ZNF99: variants seen among roughly 807,000 people sequenced by gnomAD.
The protein encoded by ZNF99 is zinc finger protein ENSP00000375192.
ZNF99 carries 8 observed loss-of-function variants against 12.8 expected under a neutral mutation model. That is an observed-to-expected ratio of 0.62 (90% CI 0.37 to 1.13). ZNF99 has a LOEUF of 1.13. Among genes scored for constraint, ZNF99 ranks in the 50% most tolerant of loss-of-function variants. ZNF99 has a pLI of 0.02. For missense variants in ZNF99, 1,007 were observed against 1,006.2 expected, an observed-to-expected ratio of 1.00 and a Z score of -0.01; for synonymous variants, 318 against 319.0, an observed-to-expected ratio of 1.00 and a Z score of 0.03.
Position 22,758,364 on chromosome 19 carries a change from G to A in ZNF99, c.1545C>T (p.Gly515=). The A allele has an allele frequency of 6.2e-7, 1 of 1,605,054 alleles. No homozygotes were observed. The highest frequency in any genetic ancestry group is 2.3e-5 in the East Asian group (1 of 44,420). ...GGGCTGAGAAATGCTTAAAAGCTTT[G>A]CCACATTCTTCACATTTGCAAGGTT... ...EEKPCKCEEC[G]KAFKHFSALR... Residue 515 remains glycine, a synonymous_variant, in exon 4 of 4, where the codon GGC becomes GGT. Transcript: ENST00000596209.
chr19:22,760,551 T>C (rs1973139181), intron 3 of ZNF99, among the ~76,000 whole-genome samples: 1 of 152,122 alleles, frequency 6.6e-6, no homozygotes, highest in African/African-American at 2.4e-5. Flanking sequence ...GAGACCATTC[T>C]GGCTAACACG....
At chr19:22,775,446 A>C (rs1462079955) in intron 1 of ZNF99, among the ~76,000 whole-genome samples, 1 of 152,242 alleles carries the variant, frequency 6.6e-6, no homozygotes, top group African/African-American at 2.4e-5. Context: ...ACTTGAAATT[A>C]TAAGAAACCC....
intron 1 of ZNF99, among the ~76,000 whole-genome samples, chr19:22,779,918 C>G (rs778138931): frequency 6.6e-6 from 1 of 152,192 alleles, no homozygotes; most frequent in Non-Finnish European, 1.5e-5. Context: ...AATCTAACTT[C>G]GTTTTATTTT....
intron 1 of ZNF99, among the ~76,000 whole-genome samples, chr19:22,776,014 C>T (rs1337476415): frequency 2.0e-5 from 3 of 151,692 alleles, no homozygotes. Flanking sequence ...AAGAGTGAAA[C>T]TCCACCTCAA....
chr19:22,763,233 AC>A (rs1378446486), intron 3 of ZNF99, among the ~76,000 whole-genome samples: 1 of 152,098 alleles, frequency 6.6e-6, no homozygotes, highest in African/African-American at 2.4e-5. Context: ...TACTTTGAAA[AC>A]CCTAGACTTT....
At position 22,756,203 on chromosome 19, in the gene ZNF99, T is replaced by A; in HGVS notation, c.*1111A>T. ...GAAAGCTTTGACACATTCTTCACAT[T>A]TTTAGGGCTTCTCCCCAGTATGAAT... On this transcript the variant is annotated 3_prime_UTR_variant, in exon 4 of 4. Coordinates refer to ENST00000596209, the MANE Select transcript of ZNF99 (RefSeq NM_001080409.3). The A allele has an allele frequency of 1.3e-6, 2 of 1,561,366 alleles. No individual in the cohort carries two copies. The highest frequency in any genetic ancestry group is 1.7e-6 in the Non-Finnish European group (2 of 1,151,096).
intron 3 of ZNF99, among the ~76,000 whole-genome samples, chr19:22,760,668 C>T (rs1056682782): frequency 2.6e-5 from 4 of 151,832 alleles, no homozygotes; most frequent in African/African-American, 4.8e-5. Flanking sequence ...GGCATGAACC[C>T]GGGAGGCAGA....
rs1568383067 is a variant in ZNF99, at chr19:22,758,286, T to G, written c.1623A>C (p.Glu541Asp). The G allele has an allele frequency of 6.2e-7, 1 of 1,609,718 alleles. No homozygotes were observed. Among genetic ancestry groups the G allele is most frequent in the Non-Finnish European group, 8.5e-7 (1 of 1,176,984 alleles). ...AGGAATTGTTAAAAGCTTTGCCACA[T>G]TCTTCACATTTGTAGGGTTTCTTTC... ...HTGKKPYKCE[E>D]CGKAFNNSST... Residue 541 changes from glutamate (E) to aspartate (D), a missense_variant, in exon 4 of 4, where the codon GAA becomes GAC. Glu to Asp is a conservative substitution (Grantham distance 45). Transcript: ENST00000596209.
chr19:22,755,227 AT>A lies in ZNF99; in HGVS notation c.*2086del. ...TTTGTAGGGTTTTTCTCCAGTACGA[AT>A]TTTCTTATGTCTAATAAAGTTTAAC... On this transcript the variant is annotated 3_prime_UTR_variant, in exon 4 of 4. Coordinates refer to ENST00000596209, the MANE Select transcript of ZNF99 (RefSeq NM_001080409.3). The A allele has an allele frequency of 3.7e-6, 1 of 271,598 alleles. No homozygotes were observed. Among genetic ancestry groups the A allele is most frequent in the Non-Finnish European group, 7.5e-6 (1 of 133,866 alleles). The allele number at this position is 271,598 out of a possible 1,614,324, so 16.8% of individuals were successfully genotyped here.
rs773365626 is a variant in ZNF99, at chr19:22,768,370, G to A, written c.161C>T (p.Thr54Ile). 3.7e-6 allele frequency: 6 copies of A among 1,613,734 alleles called. No individual in the cohort carries two copies. The East Asian group carries it at 1.3e-4, about 36-fold the overall frequency. Reference sequence around the variant, plus strand: ...AGGCTCTTTCCCTTGCTTCAGACAAGTTATCAAGTCTAGCTTAGAGACAGC... The same window carrying A: ...AGGCTCTTTCCCTTGCTTCAGACAAATTATCAAGTCTAGCTTAGAGACAGC... ...GIAVSKLDLI[T>I]CLKQGKEPWN... is the part of the protein sequence containing the mutation. Residue 54 changes from threonine (T) to isoleucine (I), a missense_variant, in exon 3 of 4, where the codon ACT becomes ATT. By Grantham distance (89) the Thr-to-Ile change is moderately conservative. Coordinates refer to ENST00000596209, the MANE Select transcript of ZNF99 (RefSeq NM_001080409.3).
chr19:22,752,690 T>A lies in ZNF99; in HGVS notation c.*4624A>T, dbSNP rs1047454303. The A allele has an allele frequency of 4.6e-5, 7 of 152,140 alleles. No homozygotes were observed. The highest frequency in any genetic ancestry group is 1.0e-4 in the Non-Finnish European group (7 of 67,986). 9.4% of individuals were successfully genotyped at this position (152,140 alleles called of 1,614,324 possible). ...AAGCGAGTGGCATAATAACACTTCA[T>A]TGAATGTACAACAGACTTAACATGT... On this transcript the variant is annotated 3_prime_UTR_variant, in exon 4 of 4. Transcript: ENST00000596209.
Position 22,758,346 on chromosome 19 carries a change from G to A in ZNF99, c.1563C>T (p.Phe521=), listed in dbSNP as rs543969115. ...CEECGKAFKH[F]SALRKHKIIH... The stretch of plus-strand genomic sequence containing the variant: ...TTATCTTATGTTTTCTAAGGGCTGA[G>A]AAATGCTTAAAAGCTTTGCCACATT... The change falls in exon 4 of 4, where the codon TTC becomes TTT. Residue 521 remains phenylalanine, a synonymous_variant. Coordinates refer to ENST00000596209, the MANE Select transcript of ZNF99 (RefSeq NM_001080409.3). 1.6e-5 allele frequency: 26 copies of A among 1,612,884 alleles called. No individual in the cohort carries two copies. The African/African-American group carries it at 2.0e-4, about 12-fold the overall frequency.
At chr19:22,768,644 C>T (rs1184249369) in intron 2 of ZNF99, among the ~76,000 whole-genome samples, 2 of 152,046 alleles carry the variant, frequency 1.3e-5, no homozygotes, top group South Asian at 2.1e-4. Flanking sequence ...ACATTTTATG[C>T]CACTAAATTT....
At chr19:22,779,478 T>C (rs1225722303) in intron 1 of ZNF99, among the ~76,000 whole-genome samples, 1 of 152,112 alleles carries the variant, frequency 6.6e-6, no homozygotes, top group Non-Finnish European at 1.5e-5. Flanking sequence ...TGAGTCAAGA[T>C]CGTGCCACTG....
Position 22,757,917 on chromosome 19 carries a change from A to C in ZNF99, c.1992T>G (p.Leu664=), listed in dbSNP as rs773381481. 3 of 1,612,026 alleles carry C rather than the reference A, an allele frequency of 1.9e-6. No homozygotes were observed. The African/African-American group carries it at 4.0e-5, about 22-fold the overall frequency. Residue 664 remains leucine, a synonymous_variant, in exon 4 of 4, where the codon CTT becomes CTG. Transcript: ENST00000596209. ...CGKAFKWSSH[L]TRHKVIHTEE... ...CAGTATGAATTACTTTATGTCTAGTAAGGTGTGAGGACCACTTAAAAGCTT... is the reference window on the plus strand; with the variant it reads ...CAGTATGAATTACTTTATGTCTAGTCAGGTGTGAGGACCACTTAAAAGCTT...
chr19:22,774,188 CG>C (rs1371073044), intron 1 of ZNF99: 2 of 152,166 alleles, frequency 1.3e-5, no homozygotes, highest in Non-Finnish European at 2.9e-5. Context: ...TCAGTTTAGA[CG>C]TAAGATTGAT....
At chr19:22,769,110 A>C (rs1328059015) in intron 2 of ZNF99, 88 bp downstream of exon 2, 9 of 1,400,424 alleles carry the variant, frequency 6.4e-6, no homozygotes, top group African/African-American at 1.5e-5. Flanking sequence ...ATTTATGCTA[A>C]GCATAAATCA....
chr19:22,771,468 G>A (rs1370263457), intron 1 of ZNF99, among the ~76,000 whole-genome samples: 1 of 151,288 alleles, frequency 6.6e-6, no homozygotes, highest in Admixed American at 6.6e-5. Context: ...TGTTAGCCAG[G>A]ATGGTCTCGA....
At position 22,758,122 on chromosome 19, in the gene ZNF99, T is replaced by C; in HGVS notation, c.1787A>G (p.Glu596Gly). Residue 596 changes from glutamate to glycine, a missense_variant, in exon 4 of 4, where the codon GAA becomes GGA. Coordinates refer to ENST00000596209, the MANE Select transcript of ZNF99 (RefSeq NM_001080409.3). ...GTGGTTAAAAGCTTTGCCACATTCT[T>C]CACATTTGTAGGGTTTCTCCCCAGT... Reference protein sequence around the residue: ...IHTGEKPYKCEECGKAFNHFS... With the variant: ...IHTGEKPYKCGECGKAFNHFS... 5 of 1,612,136 alleles carry C rather than the reference T, an allele frequency of 3.1e-6. No individual in the cohort carries two copies. The highest frequency in any genetic ancestry group is 3.4e-6 in the Non-Finnish European group (4 of 1,178,632).
Sources: gnomAD v4.1 joint callset for allele counts (sites outside exome capture counted in the v4.1 genomes callset) on GRCh38, gnomAD v4.1.1 for gene constraint, MANE v1.5 for transcripts, NCBI Gene and HGNC (gene_info 2026-07-23, HGNC 2026-07-21) for gene names.